Variants in CERS6 observed in about 807,000 individuals in gnomAD.
CERS6 encodes the protein ceramide synthase 6, also known as LAG1 homolog, ceramide synthase 6.
Under a neutral mutation model 56.8 loss-of-function variants are expected in CERS6, and 26 were observed. The observed-to-expected ratio is 0.46, with a 90% CI of 0.34 to 0.63. The LOEUF (loss-of-function observed/expected upper bound fraction) is 0.63, where lower values mean the gene tolerates loss of function less well. Among genes scored for constraint, CERS6 ranks in the 30% least tolerant of loss-of-function variants. The pLI is 0.01. For synonymous variants in CERS6, 164 were observed against 173.3 expected (o/e 0.95, Z 0.42); for missense variants, 415 against 467.5 (o/e 0.89, Z 1.04).
At chr2:168,732,378 T>G (rs1179159191) in intron 8 of CERS6, among the ~76,000 whole-genome samples, 3 of 152,220 alleles carry the variant, frequency 2.0e-5, no homozygotes, top group African/African-American at 7.2e-5. Flanking sequence ...TTGCAGTTCA[T>G]CTGTGTGATT....
At chr2:168,638,333 T>C (rs1461745661) in intron 4 of CERS6, among the ~76,000 whole-genome samples, 1 of 152,116 alleles carries the variant, frequency 6.6e-6, no homozygotes, top group Non-Finnish European at 1.5e-5. Context: ...GCAGACCATC[T>C]ATATACTATT....
chr2:168,729,500 T>C (rs1023012222), intron 8 of CERS6, among the ~76,000 whole-genome samples: 1 of 152,200 alleles, frequency 6.6e-6, no homozygotes, highest in African/African-American at 2.4e-5. Context: ...CTCCCAACTG[T>C]CCTAAGCTCA....
At chr2:168,704,593 T>C (rs1336241294) in intron 6 of CERS6, among the ~76,000 whole-genome samples, 2 of 152,138 alleles carry the variant, frequency 1.3e-5, no homozygotes, top group African/African-American at 4.8e-5. Flanking sequence ...GGCTCACCCT[T>C]GCACCTTTGT....
intron 3 of CERS6, among the ~76,000 whole-genome samples, chr2:168,597,512 T>C (rs938565369): frequency 1.3e-5 from 2 of 152,190 alleles, no homozygotes; most frequent in Admixed American, 1.3e-4. Flanking sequence ...AGGGTCATTC[T>C]CAGGGTATGC....
At chr2:168,499,997 T>A (rs1015386089) in intron 1 of CERS6, among the ~76,000 whole-genome samples, 1 of 152,110 alleles carries the variant, frequency 6.6e-6, no homozygotes, top group Admixed American at 6.5e-5. Flanking sequence ...AGCAGCAGTG[T>A]GCTACCCTAG....
At chr2:168,536,141 A>G (rs952405347) in intron 1 of CERS6, among the ~76,000 whole-genome samples, 2 of 152,246 alleles carry the variant, frequency 1.3e-5, no homozygotes, top group Non-Finnish European at 2.9e-5. Flanking sequence ...AAGAATGGAT[A>G]GTTATCCTAT....
At chr2:168,608,280 T>C (rs2105270361) in intron 3 of CERS6, among the ~76,000 whole-genome samples, 1 of 152,364 alleles carries the variant, frequency 6.6e-6, no homozygotes, top group South Asian at 2.1e-4. Context: ...AGTGGGTATT[T>C]TTCATTGTCT....
rs5836199 is a variant in CERS6, at chr2:168,747,291, A to AT, written c.846-18286dup. Among the ~76,000 whole-genome samples, 123 of 147,650 alleles carry AT rather than the reference A, an allele frequency of 8.3e-4. 1 individual carries two copies. Among genetic ancestry groups the AT allele is most frequent in the East Asian group, 8.2e-3 (41 of 4,982 alleles). ...ATGGAGTGAGACCCTGTCTCAACAA[A>AT]TTTTTTTTTTTTTTTAATCTTTTGT... On this transcript the variant is annotated intron_variant, in intron 8 of 9. Coordinates refer to ENST00000305747, the MANE Select transcript of CERS6 (RefSeq NM_203463.3).
chr2:168,645,660 A>T (rs759008418), intron 4 of CERS6, among the ~76,000 whole-genome samples: 2 of 152,116 alleles, frequency 1.3e-5, no homozygotes, highest in Non-Finnish European at 2.9e-5. Context: ...AGTACCCAAT[A>T]GTTATCTTTT....
intron 1 of CERS6, among the ~76,000 whole-genome samples, chr2:168,488,495 T>C (rs1318042412): frequency 6.6e-6 from 1 of 152,164 alleles, no homozygotes; most frequent in African/African-American, 2.4e-5. Context: ...TAGTTGGTTC[T>C]TGTAATTTTG....
intron 4 of CERS6, among the ~76,000 whole-genome samples, chr2:168,655,377 G>C (rs893328229): frequency 2.0e-5 from 3 of 152,132 alleles, no homozygotes; most frequent in Non-Finnish European, 2.9e-5. Flanking sequence ...CCCTCTTCTA[G>C]GTATATATCC....
At position 168,762,988 on chromosome 2, in the gene CERS6, C is replaced by T. The variant is rs188083705; in HGVS notation, c.846-2604C>T. Among the ~76,000 whole-genome samples the T allele has an allele frequency of 1.6e-3, 248 of 152,270 alleles. 1 individual carries two copies. The highest frequency in any genetic ancestry group is 5.2e-3 in the African/African-American group (216 of 41,560). On this transcript the variant is annotated intron_variant, in intron 8 of 9. Transcript: ENST00000305747. ...ACTCCTGCTCAAGTGATCCTCCTGC[C>T]TCAGCCTTTTGAGCAGCTGGAACTG...
chr2:168,573,221 C>G (rs1226484560), intron 3 of CERS6, among the ~76,000 whole-genome samples: 2 of 152,174 alleles, frequency 1.3e-5, no homozygotes, highest in Non-Finnish European at 2.9e-5. Context: ...TCACTGTTTT[C>G]TGGTGCTCAG....
rs115466269 is a variant in CERS6, at chr2:168,733,612, C to T, written c.845+15634C>T. Among the ~76,000 whole-genome samples, 209 of 152,252 alleles carry T rather than the reference C, an allele frequency of 1.4e-3. 1 individual carries two copies. The highest frequency in any genetic ancestry group is 4.8e-3 in the African/African-American group (198 of 41,534). The stretch of plus-strand genomic sequence containing the variant: ...ACTAGAGCCGTCATTTAACCAAATG[C>T]GTATCTTACAGTAGACGAGTATATA... On this transcript the variant is annotated intron_variant, in intron 8 of 9. Transcript: ENST00000305747.
At chr2:168,631,877 T>C (rs1184165070) in intron 4 of CERS6, among the ~76,000 whole-genome samples, 2 of 138,846 alleles carry the variant, frequency 1.4e-5, no homozygotes, top group East Asian at 2.0e-4. Context: ...TATTATGTGT[T>C]ATATAATTAT....
intron 8 of CERS6, among the ~76,000 whole-genome samples, chr2:168,743,523 T>G (rs1485416697): frequency 2.7e-5 from 4 of 146,852 alleles, no homozygotes; most frequent in African/African-American, 1.0e-4. Flanking sequence ...TAGTCCCAGC[T>G]ACTTGGGAAG....
At chr2:168,457,111 C>G (rs1693683837) in intron 1 of CERS6, among the ~76,000 whole-genome samples, 1 of 152,206 alleles carries the variant, frequency 6.6e-6, no homozygotes, top group African/African-American at 2.4e-5. Context: ...CTCCGGCACA[C>G]GGATTGTAGG....
chr2:168,610,874 C>T (rs1684172759), intron 3 of CERS6, among the ~76,000 whole-genome samples: 1 of 152,150 alleles, frequency 6.6e-6, no homozygotes, highest in Non-Finnish European at 1.5e-5. Flanking sequence ...GTGGTGCAAT[C>T]TCGGCTCACT....
chr2:168,715,782 T>G (rs1687213438), intron 7 of CERS6, among the ~76,000 whole-genome samples: 1 of 152,150 alleles, frequency 6.6e-6, no homozygotes, highest in South Asian at 2.1e-4. Context: ...TAACTGTGGC[T>G]CCTGTGAAGA....
Sources: allele counts gnomAD v4.1 joint callset (sites outside exome capture counted in the v4.1 genomes callset), GRCh38; gene constraint gnomAD v4.1.1; transcripts MANE v1.5; gene names NCBI Gene and HGNC (gene_info 2026-07-23, HGNC 2026-07-21).